EXOC5: variants seen among roughly 807,000 people sequenced by gnomAD.
The protein encoded by EXOC5 is SEC10-like 1.
EXOC5 carries 17 observed loss-of-function variants against 90.8 expected under a neutral mutation model. The ratio of observed to expected loss-of-function variants is 0.19; its 90% CI spans 0.13 to 0.28. EXOC5 has a LOEUF of 0.28. EXOC5 is among the 10% of genes least tolerant of loss of function. The pLI, the probability that EXOC5 is intolerant of heterozygous loss-of-function variation, is 1.00. For missense variants in EXOC5, 569 were observed against 830.6 expected (o/e 0.69, Z 3.87); for synonymous variants, 260 against 270.0 (o/e 0.96, Z 0.36).
chr14:57,229,843 T>C lies in EXOC5; in HGVS notation c.1187A>G (p.Asn396Ser). The C allele has an allele frequency of 6.6e-7, 1 of 1,514,402 alleles. No individual in the cohort carries two copies. Among genetic ancestry groups the C allele is most frequent in the Non-Finnish European group, 8.9e-7 (1 of 1,120,930 alleles). 93.8% of individuals were successfully genotyped at this position (1,514,402 alleles called of 1,614,324 possible). The change falls in exon 12 of 18, where the codon AAC becomes AGC. Residue 396 changes from asparagine to serine, a missense_variant. By Grantham distance (46) the Asn-to-Ser change is conservative. Around this residue, in one of 9 missense-constraint regions of EXOC5, gnomAD observed 69 missense variants for 115.5 expected, o/e 0.60. Coordinates refer to ENST00000621441, the MANE Select transcript of EXOC5 (RefSeq NM_006544.4). ...ATCGATACTTGGCCCAAGTGGTAAG[T>C]TGGTACGCTGTCTAATTCTTTCCTT... The part of the protein sequence containing the change: ...DLKERIRQRT[N>S]LPLGPSIDTH...
chr14:57,240,845 GA>G (rs1883837934), intron 4 of EXOC5, among the ~76,000 whole-genome samples: 1 of 151,956 alleles, frequency 6.6e-6, no homozygotes, highest in South Asian at 2.1e-4. Context: ...CATCAATATA[GA>G]TTTTTTTTAT....
At chr14:57,249,148 A>G (rs1475903349) in intron 1 of EXOC5, among the ~76,000 whole-genome samples, 1 of 152,142 alleles carries the variant, frequency 6.6e-6, no homozygotes, top group Admixed American at 6.5e-5. Flanking sequence ...TACATACTTT[A>G]TCATATTCAA....
At chr14:57,238,411 T>C (rs577094078) in intron 5 of EXOC5, among the ~76,000 whole-genome samples, 1,264 of 98,804 alleles carry the variant, frequency 0.013, 12 homozygotes, top group Middle Eastern at 0.022. Context: ...CACACACACA[T>C]ATTCATATTC....
chr14:57,257,740 T>C (rs920216756), intron 1 of EXOC5, among the ~76,000 whole-genome samples: 1 of 152,120 alleles, frequency 6.6e-6, no homozygotes, highest in Non-Finnish European at 1.5e-5. Context: ...TAAATCCTAA[T>C]GCCTTGCTTT....
chr14:57,220,156 A>G (rs950955473), intron 13 of EXOC5, among the ~76,000 whole-genome samples: 1 of 152,120 alleles, frequency 6.6e-6, no homozygotes, highest in African/African-American at 2.4e-5. Context: ...TTTTAGAACA[A>G]TGATTTTTTT....
intron 1 of EXOC5, among the ~76,000 whole-genome samples, chr14:57,262,664 A>G (rs1037088224): frequency 4.1e-5 from 6 of 146,888 alleles, no homozygotes; most frequent in Admixed American, 1.4e-4. Flanking sequence ...ACATATATAC[A>G]TAAGTGTATA....
At chr14:57,212,210 T>C (rs938559672) in intron 15 of EXOC5, among the ~76,000 whole-genome samples, 1 of 152,192 alleles carries the variant, frequency 6.6e-6, no homozygotes. Flanking sequence ...AAAGAAACCT[T>C]GGTCAGAAGA....
At chr14:57,208,921 G>C in intron 17 of EXOC5, 124 bp from the exon 18 acceptor site, 1 of 571,426 alleles carries the variant, frequency 1.8e-6, no homozygotes, top group Non-Finnish European at 3.1e-6. Context: ...CAACATATTA[G>C]AATTTTTTAA....
intron 5 of EXOC5, 110 bp downstream of exon 5, chr14:57,239,485 A>G: frequency 1.5e-6 from 1 of 672,762 alleles, no homozygotes; most frequent in Non-Finnish European, 2.6e-6. Context: ...GCAAGTGCTC[A>G]ATAAATTTCC....
At position 57,204,716 on chromosome 14, in the gene EXOC5, T is replaced by A. The variant is rs556820703; in HGVS notation, c.*3893A>T. ...AAGATTTGTGATAGACATATTTCTA[T>A]TAGGTACAAACTTAACATTAAAATT... On this transcript the variant is annotated 3_prime_UTR_variant, in exon 18 of 18. Coordinates refer to ENST00000621441, the MANE Select transcript of EXOC5 (RefSeq NM_006544.4). 7 of 152,556 alleles carry A rather than the reference T, an allele frequency of 4.6e-5. No homozygotes were observed. Among genetic ancestry groups the A allele is most frequent in the African/African-American group, 1.7e-4 (7 of 41,574 alleles). 9.5% of individuals were successfully genotyped at this position (152,556 alleles called of 1,614,324 possible).
chr14:57,238,077 AC>A (rs1248790938), intron 5 of EXOC5, among the ~76,000 whole-genome samples: 21 of 151,998 alleles, frequency 1.4e-4, no homozygotes, highest in African/African-American at 4.6e-4. Context: ...GATGCCAAAG[AC>A]AAATGAAGAA....
chr14:57,245,126 A>C (rs1373678337), intron 3 of EXOC5, among the ~76,000 whole-genome samples: 1 of 152,252 alleles, frequency 6.6e-6, no homozygotes, highest in Non-Finnish European at 1.5e-5. Context: ...TTATTCTACT[A>C]AGGCAAAGGT....
At chr14:57,263,849 T>A (rs1026650832) in intron 1 of EXOC5, among the ~76,000 whole-genome samples, 1 of 148,196 alleles carries the variant, frequency 6.7e-6, no homozygotes, top group Non-Finnish European at 1.5e-5. Context: ...CACATACACA[T>A]CCTAACTCTT....
intron 1 of EXOC5, among the ~76,000 whole-genome samples, chr14:57,264,922 C>A (rs558146457): frequency 6.6e-6 from 1 of 152,104 alleles, no homozygotes; most frequent in African/African-American, 2.4e-5. Context: ...ATACTTAATT[C>A]TATTTTCCAA....
At position 57,268,679 on chromosome 14, in the gene EXOC5, G is replaced by A. The variant is rs1403874293; in HGVS notation, c.-31C>T. On this transcript the variant is annotated 5_prime_UTR_variant, in exon 1 of 18. Coordinates refer to ENST00000621441, the MANE Select transcript of EXOC5 (RefSeq NM_006544.4). ...CCGGCTGAGAGGCTCGCCCCCCACTGGATGCCGTCTCCGCTTCACATGCTG... is the reference window on the plus strand; with the variant it reads ...CCGGCTGAGAGGCTCGCCCCCCACTAGATGCCGTCTCCGCTTCACATGCTG... The A allele has an allele frequency of 6.4e-7, 1 of 1,572,982 alleles. No individual in the cohort carries two copies. Among genetic ancestry groups the A allele is most frequent in the South Asian group, 1.1e-5 (1 of 87,104 alleles).
At chr14:57,215,393 T>C (rs1882944996) in intron 15 of EXOC5, among the ~76,000 whole-genome samples, 1 of 146,346 alleles carries the variant, frequency 6.8e-6, no homozygotes. Flanking sequence ...CAGGCCAATA[T>C]CCCTGATGAA....
chr14:57,239,254 T>A (rs1883780293), intron 5 of EXOC5, among the ~76,000 whole-genome samples: 1 of 152,182 alleles, frequency 6.6e-6, no homozygotes, highest in South Asian at 2.1e-4. Context: ...GTTCTCTCTA[T>A]CCCCTACCTG....
chr14:57,254,364 G>A (rs1212679642), intron 1 of EXOC5, among the ~76,000 whole-genome samples: 2 of 151,982 alleles, frequency 1.3e-5, no homozygotes, highest in Non-Finnish European at 2.9e-5. Context: ...GAACTCGTGA[G>A]GCAGAGGTTG....
chr14:57,202,529 A>G lies in EXOC5; in HGVS notation c.*6080T>C, dbSNP rs1161079227. ...GTACAGTATTTACAACCCTTCTGTT[A>G]AGTCTGATTGTTTCAAAAATTTTTC... is the stretch of plus-strand genomic sequence containing the variant. On this transcript the variant is annotated 3_prime_UTR_variant, in exon 18 of 18. Transcript: ENST00000621441. 6.6e-6 allele frequency: 1 copy of G among 152,192 alleles called. No individual in the cohort carries two copies. The highest frequency in any genetic ancestry group is 2.4e-5 in the African/African-American group (1 of 41,444). 9.4% of individuals were successfully genotyped at this position (152,192 alleles called of 1,614,324 possible). A position where few individuals can be genotyped will look rare whatever the true frequency, so the allele number is the denominator to read the frequency against.
Sources: allele counts gnomAD v4.1 joint callset (sites outside exome capture counted in the v4.1 genomes callset), GRCh38; gene constraint gnomAD v4.1.1; regional missense constraint gnomAD v4.1.1; transcripts MANE v1.5; gene names NCBI Gene and HGNC (gene_info 2026-07-23, HGNC 2026-07-21).